RB1: variants seen among roughly 807,000 people sequenced by gnomAD.
RB1 encodes retinoblastoma-associated protein.
In RB1, 18 loss-of-function variants were observed where a neutral mutation model predicts 135.4. The ratio of observed to expected loss-of-function variants is 0.13; its 90% CI spans 0.09 to 0.20. The LOEUF (loss-of-function observed/expected upper bound fraction) is 0.20, where lower values mean the gene tolerates loss of function less well. Among genes scored for constraint, RB1 ranks in the 10% least tolerant of loss-of-function variants. RB1 has a pLI of 1.00. For synonymous variants in RB1, 365 were observed against 373.2 expected (o/e 0.98, Z 0.25); for missense variants, 868 against 1,110.0 (o/e 0.78, Z 3.10).
At chr13:48,401,594 G>C (rs1187680375) in intron 17 of RB1, among the ~76,000 whole-genome samples, 1 of 152,108 alleles carries the variant, frequency 6.6e-6, no homozygotes, top group African/African-American at 2.4e-5. Flanking sequence ...TCACGACCCA[G>C]TCTGTTTCAA....
At chr13:48,324,777 G>T (rs1052707042) in intron 2 of RB1, among the ~76,000 whole-genome samples, 2 of 151,704 alleles carry the variant, frequency 1.3e-5, no homozygotes, top group Non-Finnish European at 2.9e-5. Context: ...TTTTTTTGAG[G>T]AACCTCTAAA....
intron 2 of RB1, among the ~76,000 whole-genome samples, chr13:48,324,609 C>T (rs1248862948): frequency 6.6e-6 from 1 of 152,112 alleles, no homozygotes; most frequent in Non-Finnish European, 1.5e-5. Context: ...TCCATGCATC[C>T]ATTAATGGGC....
At chr13:48,363,926 T>C (rs982239959) in intron 8 of RB1, among the ~76,000 whole-genome samples, 2 of 152,222 alleles carry the variant, frequency 1.3e-5, no homozygotes, top group East Asian at 3.8e-4. Context: ...TCATAGTTTG[T>C]TTTATTGTCC....
chr13:48,397,884 A>G (rs901905229), intron 17 of RB1, among the ~76,000 whole-genome samples: 2 of 152,172 alleles, frequency 1.3e-5, no homozygotes, highest in African/African-American at 4.8e-5. Flanking sequence ...CAAAAAGGAT[A>G]TCTGTTGTAT....
intron 17 of RB1, among the ~76,000 whole-genome samples, chr13:48,440,271 C>T (rs1175211275): frequency 6.6e-6 from 1 of 151,972 alleles, no homozygotes; most frequent in African/African-American, 2.4e-5. Context: ...GTCAGATGTT[C>T]TACAAAATAT....
Position 48,319,748 on chromosome 13 carries a change from C to T in RB1, c.264+12342C>T. The stretch of plus-strand genomic sequence containing the variant: ...TTGGGTCTGGTTTTTTATCTATTGA[C>T]CCCATCACATTTTTGGGTCGCATGC... On this transcript the variant is annotated intron_variant, in intron 2 of 26. Transcript: ENST00000267163. This position sits in a 1 kb window ranked among gnomAD's most constrained non-coding sequence, Gnocchi z 5.0. The T allele has an allele frequency of 7.2e-6, 2 of 277,304 alleles. No homozygotes were observed. The highest frequency in any genetic ancestry group is 7.4e-6 in the Non-Finnish European group (1 of 135,228). The allele number at this position is 277,304 out of a possible 1,614,324, so 17.2% of individuals were successfully genotyped here.
In RB1 at chr13:48,303,962, C is replaced by T. The variant is rs1593412070; in HGVS notation, c.50C>T (p.Ala17Val). The change falls in exon 1 of 27, where the codon GCC becomes GTC. Residue 17 changes from alanine to valine, a missense_variant. By Grantham distance (64) the Ala-to-Val change is moderately conservative. This residue lies in a region of RB1 where 641 missense variants were observed against 791.3 expected (regional missense o/e 0.81). Transcript: ENST00000267163. Reference protein sequence around the residue: ...RKTAATAAAAAAEPPAPPPPP... With the variant: ...RKTAATAAAAVAEPPAPPPPP... The stretch of plus-strand genomic sequence containing the variant: ...ACGGCCGCCACCGCCGCCGCTGCCG[C>T]CGCGGAACCCCCGGCACCGCCGCCG... 6.6e-7 allele frequency: 1 copy of T among 1,510,064 alleles called. No homozygotes were observed. Among genetic ancestry groups the T allele is most frequent in the Non-Finnish European group, 8.8e-7 (1 of 1,136,650 alleles). 93.5% of individuals were successfully genotyped at this position (1,510,064 alleles called of 1,614,324 possible). A position where few individuals can be genotyped will look rare whatever the true frequency, so the allele number is the denominator to read the frequency against.
chr13:48,346,975 T>C (rs535913731), intron 4 of RB1, among the ~76,000 whole-genome samples: 10 of 151,904 alleles, frequency 6.6e-5, no homozygotes, highest in South Asian at 2.1e-4. Flanking sequence ...TTTCTAGATA[T>C]AGAATTTGGG....
intron 2 of RB1, among the ~76,000 whole-genome samples, chr13:48,342,120 A>C (rs1952449965): frequency 6.6e-6 from 1 of 152,008 alleles, no homozygotes; most frequent in African/African-American, 2.4e-5. Context: ...AAGACAGTTA[A>C]GGAACTGAAA....
At chr13:48,405,637 C>A (rs1401542189) in intron 17 of RB1, among the ~76,000 whole-genome samples, 1 of 152,154 alleles carries the variant, frequency 6.6e-6, no homozygotes, top group Non-Finnish European at 1.5e-5. Flanking sequence ...AGCCTGCAAA[C>A]CGAAAATATT....
chr13:48,418,543 C>T (rs1948952557), intron 17 of RB1, among the ~76,000 whole-genome samples: 1 of 152,030 alleles, frequency 6.6e-6, no homozygotes, highest in Non-Finnish European at 1.5e-5. Flanking sequence ...ACAATATTAA[C>T]CTTAAAAGTA....
At chr13:48,402,065 A>G (rs1389533504) in intron 17 of RB1, among the ~76,000 whole-genome samples, 1 of 152,168 alleles carries the variant, frequency 6.6e-6, no homozygotes, top group Non-Finnish European at 1.5e-5. Context: ...TTTAAACATT[A>G]AGATGAAAAA....
chr13:48,317,142 GCCTC>G, intron 2 of RB1: 1 of 887,034 alleles, frequency 1.1e-6, no homozygotes, highest in African/African-American at 1.7e-5. Context: ...CCCGGCCTGG[GCCTC>G]CCTGAAGGCA....
chr13:48,368,645 A>T (rs1239307996), intron 11 of RB1, 41 bp downstream of exon 11: 1 of 1,594,300 alleles, frequency 6.3e-7, no homozygotes, highest in Non-Finnish European at 8.5e-7. Flanking sequence ...TAATTTTGTT[A>T]TTCATGGCTT....
chr13:48,415,394 C>G (rs1948891708), intron 17 of RB1, among the ~76,000 whole-genome samples: 1 of 151,808 alleles, frequency 6.6e-6, no homozygotes, highest in South Asian at 2.1e-4. Context: ...ATTTTCCCAC[C>G]TCAGCCTCCC....
chr13:48,383,922 T>C (rs1303689609), intron 17 of RB1, among the ~76,000 whole-genome samples: 2 of 152,148 alleles, frequency 1.3e-5, no homozygotes, highest in African/African-American at 4.8e-5. Flanking sequence ...ATTTTATTTC[T>C]ATCAACACAT....
intron 6 of RB1, among the ~76,000 whole-genome samples, chr13:48,349,633 A>G (rs548962799): frequency 6.6e-6 from 1 of 152,042 alleles, no homozygotes; most frequent in East Asian, 1.9e-4. Context: ...GAAGGAAGAG[A>G]AGACCACAAA....
In RB1 at chr13:48,371,943, G is replaced by T. The variant is rs549784064; in HGVS notation, c.1128-1462G>T. 1.7e-4 allele frequency among the ~76,000 whole-genome samples: 26 copies of T among 152,270 alleles called. No individual in the cohort carries two copies. In the South Asian group the frequency reaches 5.0e-3, roughly 29 times the overall value. ...TGGAATTAGATTCTCATAGGTGCAT[G>T]AACCTTATTGTGAACTGCGCATGTG... On this transcript the variant is annotated intron_variant, in intron 11 of 26. Coordinates refer to ENST00000267163, the MANE Select transcript of RB1 (RefSeq NM_000321.3).
At chr13:48,375,303 G>A (rs987408171) in intron 12 of RB1, among the ~76,000 whole-genome samples, 4 of 151,962 alleles carry the variant, frequency 2.6e-5, no homozygotes, top group Non-Finnish European at 4.4e-5. Context: ...AGGTCATTAT[G>A]TTTTTCCTTC....
Sources: allele counts gnomAD v4.1 joint callset (sites outside exome capture counted in the v4.1 genomes callset), GRCh38; gene constraint gnomAD v4.1.1; regional missense constraint gnomAD v4.1.1; non-coding constraint Gnocchi (gnomAD v3.1); transcripts MANE v1.5; gene names NCBI Gene and HGNC (gene_info 2026-07-23, HGNC 2026-07-21).